The following ANK2 variants were observed in gnomAD, a reference collection of about 807,000 sequenced individuals.
ANK2 encodes the protein ankyrin-2.
Under a neutral mutation model 360.5 loss-of-function variants are expected in ANK2, and 83 were observed. The ratio of observed to expected loss-of-function variants is 0.23; its 90% confidence interval spans 0.19 to 0.28. The LOEUF is 0.28. Among genes scored for constraint, ANK2 ranks in the 10% least tolerant of loss-of-function variants. The pLI is 1.00. For missense variants in ANK2, 4,201 were observed against 4,795.7 expected (o/e 0.88, Z 3.66); for synonymous variants, 1,740 against 1,759.5 (o/e 0.99, Z 0.28).
At chr4:112,829,364 C>T (rs28775941) in intron 1 of ANK2, among the ~76,000 whole-genome samples, 13,862 of 151,070 alleles carry the variant, frequency 0.092, 867 homozygotes, top group African/African-American at 0.18. Flanking sequence ...TTATATTTAT[C>T]GTATCCTCAG....
At chr4:113,294,595 T>C (rs553303439) in intron 22 of ANK2, among the ~76,000 whole-genome samples, 83 of 152,286 alleles carry the variant, frequency 5.5e-4, no homozygotes, top group African/African-American at 1.8e-3. Context: ...TGACATATAT[T>C]GAAGTGATGG....
At chr4:113,249,997 T>G (rs943204094) in intron 10 of ANK2, 135 bp downstream of exon 10, 2 of 801,700 alleles carry the variant, frequency 2.5e-6, no homozygotes, top group Non-Finnish European at 2.0e-6. Context: ...GGAATAGGAA[T>G]ATGTATCAAA....
At chr4:112,976,479 C>T (rs899473597) in intron 2 of ANK2, among the ~76,000 whole-genome samples, 3 of 152,126 alleles carry the variant, frequency 2.0e-5, no homozygotes, top group African/African-American at 7.2e-5. Context: ...AGGCGTGAGC[C>T]GTGGCACCCA....
At chr4:113,169,479 A>C (rs186576894) in intron 1 of ANK2, among the ~76,000 whole-genome samples, 15 of 152,334 alleles carry the variant, frequency 9.8e-5, no homozygotes, top group African/African-American at 3.6e-4. Context: ...TTACAAAGGA[A>C]TGACTGCTTC....
At chr4:112,787,142 T>G in the ANK2 span, among the ~76,000 whole-genome samples, 1 of 152,230 alleles carries the variant, frequency 6.6e-6, no homozygotes, top group African/African-American at 2.4e-5. Context: ...TGTTTTGGTT[T>G]AAATTTTGTT....
intron 41 of ANK2, among the ~76,000 whole-genome samples, chr4:113,367,141 T>G (rs2096566968): frequency 6.6e-6 from 1 of 152,222 alleles, no homozygotes; most frequent in Non-Finnish European, 1.5e-5. Flanking sequence ...GAATAAATTT[T>G]CAGTATGTAT....
At chr4:113,339,182 T>G (rs2093959270) in intron 31 of ANK2, 44 bp from the exon 32 acceptor site, 3 of 1,475,268 alleles carry the variant, frequency 2.0e-6, no homozygotes, top group Non-Finnish European at 2.8e-6. Context: ...GAATCTAGAG[T>G]CTGGAGTTTT....
chr4:113,359,391 C>G (rs1339775325), intron 38 of ANK2, 92 bp downstream of exon 38: 2 of 1,543,030 alleles, frequency 1.3e-6, no homozygotes, highest in East Asian at 4.5e-5. Flanking sequence ...TGATTTGTGT[C>G]TCATTTTCTT....
rs547380782 is a variant in ANK2, at chr4:113,354,651, T to C, written c.6033T>C (p.Phe2011=). 1.3e-5 allele frequency: 21 copies of C among 1,614,066 alleles called. No individual in the cohort carries two copies. In the African/African-American group the frequency reaches 2.3e-4, roughly 17 times the overall value. ...CTTCTAAACATAAAACTGGACTCTT[T>C]GAGCACAAATCAGCAAAACAAAAGC... ...QDPSKHKTGL[F]EHKSAKQKQP... is the part of the protein sequence containing the mutation. Residue 2011 remains phenylalanine, a synonymous_variant, in exon 38 of 46, where the codon TTT becomes TTC. Coordinates refer to ENST00000357077, the MANE Select transcript of ANK2 (RefSeq NM_001148.6).
At chr4:113,244,667 T>C (rs1267255721) in intron 9 of ANK2, among the ~76,000 whole-genome samples, 1 of 152,208 alleles carries the variant, frequency 6.6e-6, no homozygotes, top group Non-Finnish European at 1.5e-5. Flanking sequence ...ATGCAGAACA[T>C]ACAGGTTTGT....
chr4:113,372,644 C>T, intron 43 of ANK2: 1 of 1,493,198 alleles, frequency 6.7e-7, no homozygotes, highest in East Asian at 2.5e-5. Flanking sequence ...TGTTAAATTA[C>T]TGCACGTCAG....
At chr4:112,739,105 A>G in the ANK2 span, 1 of 494,248 alleles carries the variant, frequency 2.0e-6, no homozygotes, top group South Asian at 1.7e-5. Flanking sequence ...GAAAATGAAT[A>G]GATAGCTCAT....
intron 1 of ANK2, among the ~76,000 whole-genome samples, chr4:112,864,119 T>C (rs1017686426): frequency 5.3e-5 from 8 of 152,092 alleles, no homozygotes; most frequent in Non-Finnish European, 1.2e-4. Flanking sequence ...AAATTTTTTG[T>C]AGAAGGAAGA....
intron 23 of ANK2, among the ~76,000 whole-genome samples, chr4:113,310,661 C>T (rs1195111046): frequency 6.6e-6 from 1 of 152,212 alleles, no homozygotes; most frequent in African/African-American, 2.4e-5. Context: ...AGGTGATCCA[C>T]CTGCCTCAGC....
intron 16 of ANK2, 150 bp downstream of exon 16, chr4:113,278,085 C>A: frequency 2.5e-6 from 2 of 808,708 alleles, no homozygotes; most frequent in South Asian, 1.5e-5. Context: ...TCTTCCATGA[C>A]CGTCCAGGTA....
At chr4:113,006,896 T>G (rs1236704269) in intron 2 of ANK2, among the ~76,000 whole-genome samples, 1 of 152,190 alleles carries the variant, frequency 6.6e-6, no homozygotes, top group Non-Finnish European at 1.5e-5. Flanking sequence ...ATTATGAACC[T>G]GACTGACACA....
chr4:112,791,960 A>G, the ANK2 span, among the ~76,000 whole-genome samples: 54,029 of 150,928 alleles, frequency 0.36, 10,082 homozygotes, highest in African/African-American at 0.46. Context: ...GATAGATTGT[A>G]TGTTAGTAGA....
intron 1 of ANK2, among the ~76,000 whole-genome samples, chr4:113,141,852 A>C (rs1239810141): frequency 6.6e-6 from 1 of 152,214 alleles, no homozygotes; most frequent in Non-Finnish European, 1.5e-5. Context: ...CTTTGTTCTC[A>C]GTCCTTAATC....
intron 1 of ANK2, among the ~76,000 whole-genome samples, chr4:112,876,713 A>C (rs1053994100): frequency 6.6e-6 from 1 of 152,186 alleles, no homozygotes; most frequent in African/African-American, 2.4e-5. Context: ...TAAGGGAGCG[A>C]ATTTATCCTC....
Sources: gnomAD v4.1 joint callset for allele counts (sites outside exome capture counted in the v4.1 genomes callset) on GRCh38, gnomAD v4.1.1 for gene constraint, MANE v1.5 for transcripts, NCBI Gene and HGNC (gene_info 2026-07-23, HGNC 2026-07-21) for gene names.